Variants in TEAD1 observed in about 807,000 individuals in gnomAD.
The protein encoded by TEAD1 is transcriptional enhancer factor TEF-1.
A neutral mutation model predicts 54.9 loss-of-function variants in TEAD1; 9 were observed. That is an observed-to-expected ratio of 0.16 (90% CI 0.10 to 0.29). The LOEUF is 0.29. TEAD1 is among the 10% of genes least tolerant of loss of function. TEAD1 has a pLI of 1.00. For synonymous variants in TEAD1, 200 were observed against 187.8 expected, an observed-to-expected ratio of 1.07 and a Z score of -0.53; for missense variants, 387 against 535.9, an observed-to-expected ratio of 0.72 and a Z score of 2.74.
Position 12,937,285 on chromosome 11 carries a change from T to C in TEAD1, c.*63T>C, listed in dbSNP as rs901467568. 7.8e-7 allele frequency: 1 copy of C among 1,283,352 alleles called. No homozygotes were observed. Among genetic ancestry groups the C allele is most frequent in the Non-Finnish European group, 1.1e-6 (1 of 893,374 alleles). 79.5% of individuals were successfully genotyped at this position (1,283,352 alleles called of 1,614,324 possible). ...CACACACATATGTGCACACACACAC[T>C]CTCTCTCCATTATCGAACGACTGAC... On this transcript the variant is annotated 3_prime_UTR_variant, in exon 13 of 13. Coordinates refer to ENST00000527636, the MANE Select transcript of TEAD1 (RefSeq NM_021961.6).
chr11:12,683,976 C>T (rs1943278646), intron 2 of TEAD1, among the ~76,000 whole-genome samples: 1 of 152,188 alleles, frequency 6.6e-6, no homozygotes. Flanking sequence ...ATATACCAGA[C>T]ACATGGTGTG....
In TEAD1 at chr11:12,769,344, G is replaced by C. The variant is rs552600266; in HGVS notation, c.202+4910G>C. 2.6e-5 allele frequency among the ~76,000 whole-genome samples: 4 copies of C among 152,294 alleles called. No individual in the cohort carries two copies. The South Asian group carries it at 8.3e-4, about 32-fold the overall frequency. On this transcript the variant is annotated intron_variant, in intron 3 of 12. Transcript: ENST00000527636. ...CTTTACTTCATAGGAGCAGAAGTCA[G>C]AAGAGGAAAGAGGGCTTTTTAAATG...
chr11:12,758,220 A>C (rs1007462706), intron 2 of TEAD1, among the ~76,000 whole-genome samples: 1 of 150,540 alleles, frequency 6.6e-6, no homozygotes, highest in African/African-American at 2.5e-5. Context: ...CCAACTCACT[A>C]AGTTTTTGTT....
At chr11:12,690,827 G>C (rs979091268) in intron 2 of TEAD1, among the ~76,000 whole-genome samples, 3 of 152,168 alleles carry the variant, frequency 2.0e-5, no homozygotes, top group Non-Finnish European at 1.5e-5. Context: ...ATGCGATCCC[G>C]GCTTGCCGTA....
At chr11:12,911,878 T>G in intron 10 of TEAD1, among the ~76,000 whole-genome samples, 1 of 151,972 alleles carries the variant, frequency 6.6e-6, no homozygotes, top group East Asian at 1.9e-4. Context: ...CCAAACTTCT[T>G]TGTAGGCCTT....
chr11:12,935,820 C>T (rs1211848336), intron 12 of TEAD1, among the ~76,000 whole-genome samples: 1 of 152,078 alleles, frequency 6.6e-6, no homozygotes, highest in African/African-American at 2.4e-5. Context: ...GGAAACAGGG[C>T]CCCTGTTCCT....
chr11:12,865,884 T>C (rs1947605742), intron 5 of TEAD1, among the ~76,000 whole-genome samples: 1 of 152,226 alleles, frequency 6.6e-6, no homozygotes, highest in Admixed American at 6.5e-5. Context: ...TCTGTTCTGA[T>C]ATTTTTCTAT....
intron 9 of TEAD1, among the ~76,000 whole-genome samples, chr11:12,898,373 A>T (rs1004119448): frequency 6.6e-6 from 1 of 151,484 alleles, no homozygotes; most frequent in African/African-American, 2.4e-5. Flanking sequence ...TGGTCATCTT[A>T]GCTATAATTT....
intron 3 of TEAD1, among the ~76,000 whole-genome samples, chr11:12,772,598 A>C (rs1019813043): frequency 1.3e-5 from 2 of 152,176 alleles, no homozygotes; most frequent in Non-Finnish European, 2.9e-5. Context: ...ATTAGCAGAG[A>C]GTATTACTTT....
At chr11:12,786,264 T>G (rs753653749) in intron 3 of TEAD1, among the ~76,000 whole-genome samples, 5 of 152,222 alleles carry the variant, frequency 3.3e-5, no homozygotes, top group Admixed American at 6.5e-5. Flanking sequence ...TTTCTCGGAC[T>G]GCACTGGCTT....
chr11:12,724,023 C>G (rs1436670573), intron 2 of TEAD1, among the ~76,000 whole-genome samples: 2 of 152,154 alleles, frequency 1.3e-5, no homozygotes, highest in Non-Finnish European at 1.5e-5. Flanking sequence ...GTTTATTTGC[C>G]TGGGGTAAAT....
intron 3 of TEAD1, among the ~76,000 whole-genome samples, chr11:12,824,803 C>T (rs1946617771): frequency 6.6e-6 from 1 of 152,184 alleles, no homozygotes; most frequent in African/African-American, 2.4e-5. Flanking sequence ...CCTGGCAGAA[C>T]CGTGCTGACC....
intron 3 of TEAD1, among the ~76,000 whole-genome samples, chr11:12,819,545 T>A (rs1242952759): frequency 6.6e-6 from 1 of 152,028 alleles, no homozygotes; most frequent in Non-Finnish European, 1.5e-5. Flanking sequence ...CGTCTCCAGG[T>A]TCACGCCATT....
At chr11:12,914,169 A>T (rs1424271940) in intron 10 of TEAD1, among the ~76,000 whole-genome samples, 1 of 152,232 alleles carries the variant, frequency 6.6e-6, no homozygotes, top group African/African-American at 2.4e-5. Context: ...AGGAATTTGC[A>T]GTGCAGACGG....
chr11:12,939,733 A>T lies in TEAD1; in HGVS notation c.*2511A>T, dbSNP rs893709316. Reference sequence around the variant, plus strand: ...CCTTGCTCTTACAACATTTCTAAGGATTTTTAAAAGTTTACTTCTTGTCTT... The same window carrying T: ...CCTTGCTCTTACAACATTTCTAAGGTTTTTTAAAAGTTTACTTCTTGTCTT... On this transcript the variant is annotated 3_prime_UTR_variant, in exon 13 of 13. Coordinates refer to ENST00000527636, the MANE Select transcript of TEAD1 (RefSeq NM_021961.6). 3.3e-5 allele frequency: 5 copies of T among 152,216 alleles called. No homozygotes were observed. Among genetic ancestry groups the T allele is most frequent in the Admixed American group, 6.5e-5 (1 of 15,274 alleles). 9.4% of individuals were successfully genotyped at this position (152,216 alleles called of 1,614,324 possible).
intron 2 of TEAD1, among the ~76,000 whole-genome samples, chr11:12,705,577 A>G (rs1322112069): frequency 8.5e-5 from 13 of 152,178 alleles, no homozygotes; most frequent in Admixed American, 8.5e-4. Flanking sequence ...TGACACATAG[A>G]TAAGTGAAGA....
chr11:12,920,911 C>A (rs1053941232), intron 10 of TEAD1, among the ~76,000 whole-genome samples: 3 of 152,200 alleles, frequency 2.0e-5, no homozygotes, highest in African/African-American at 7.2e-5. Flanking sequence ...TGTGCAGCCA[C>A]TAGAAAGTGT....
At chr11:12,675,112 G>C (rs1943050157) in intron 1 of TEAD1, among the ~76,000 whole-genome samples, 1 of 147,276 alleles carries the variant, frequency 6.8e-6, no homozygotes, top group Non-Finnish European at 1.5e-5. Context: ...GGCCGGCCGC[G>C]CCGCGCCCCC....
chr11:12,874,691 C>G (rs1001881543), intron 5 of TEAD1, among the ~76,000 whole-genome samples: 1 of 152,068 alleles, frequency 6.6e-6, no homozygotes, highest in African/African-American at 2.4e-5. Flanking sequence ...GACAGGCATC[C>G]CGAGTCTCAG....
Sources: allele counts gnomAD v4.1 joint callset (sites outside exome capture counted in the v4.1 genomes callset), GRCh38; gene constraint gnomAD v4.1.1; transcripts MANE v1.5; gene names NCBI Gene and HGNC (gene_info 2026-07-23, HGNC 2026-07-21).